The following MACROD2 variants were observed in gnomAD, a reference collection of about 807,000 sequenced individuals.
MACROD2 encodes the protein ADP-ribose glycohydrolase MACROD2.
MACROD2 carries 36 observed loss-of-function variants against 70.4 expected under a neutral mutation model. That is an observed-to-expected ratio of 0.51 (90% CI 0.39 to 0.68). The LOEUF (loss-of-function observed/expected upper bound fraction) is 0.68, where lower values mean the gene tolerates loss of function less well. Among genes scored for constraint, MACROD2 ranks in the 30% least tolerant of loss-of-function variants. The pLI, the probability that MACROD2 is intolerant of heterozygous loss-of-function variation, is 0.00. For missense variants in MACROD2, 496 were observed against 538.4 expected, an observed-to-expected ratio of 0.92 and a Z score of 0.78; for synonymous variants, 172 against 178.8, an observed-to-expected ratio of 0.96 and a Z score of 0.30.
intron 12 of MACROD2, among the ~76,000 whole-genome samples, chr20:15,955,576 G>A (rs2065965242): frequency 6.6e-6 from 1 of 151,982 alleles, no homozygotes; most frequent in South Asian, 2.1e-4. Flanking sequence ...TCCTAATTCT[G>A]CCCTTCAAAT....
At chr20:14,431,528 T>C (rs1204429671) in intron 3 of MACROD2, among the ~76,000 whole-genome samples, 1 of 152,188 alleles carries the variant, frequency 6.6e-6, no homozygotes, top group Non-Finnish European at 1.5e-5. Flanking sequence ...AGATCCACAG[T>C]TTTTACAAGT....
chr20:14,052,666 T>C lies in MACROD2; in HGVS notation c.164-32955T>C, dbSNP rs570111273. ...CAGAGAATGGCTTCCAGGACAGCTC[T>C]AGCCTCACTGCAGCTTAAAAAATTG... On this transcript the variant is annotated intron_variant, in intron 2 of 17. Coordinates refer to ENST00000684519, the MANE Select transcript of MACROD2 (RefSeq NM_001351661.2). Among the ~76,000 whole-genome samples the C allele has an allele frequency of 3.3e-4, 50 of 152,268 alleles. No individual in the cohort carries two copies. In the South Asian group the frequency reaches 5.2e-3, roughly 16 times the overall value.
intron 6 of MACROD2, among the ~76,000 whole-genome samples, chr20:15,424,008 G>T (rs544688342): frequency 1.9e-4 from 29 of 152,154 alleles, no homozygotes; most frequent in African/African-American, 6.5e-4. Context: ...TTCTCACATG[G>T]TGGAAAGAAG....
intron 6 of MACROD2, among the ~76,000 whole-genome samples, chr20:15,421,295 C>T (rs1202281655): frequency 6.6e-6 from 1 of 151,990 alleles, no homozygotes; most frequent in East Asian, 1.9e-4. Context: ...AGAGGATCAC[C>T]TCAGCTCAGG....
intron 8 of MACROD2, among the ~76,000 whole-genome samples, chr20:15,732,197 T>G (rs2050954472): frequency 6.6e-6 from 1 of 151,812 alleles, no homozygotes; most frequent in Admixed American, 6.6e-5. Flanking sequence ...ATGTGTGCAT[T>G]CCCACTGGCA....
intron 8 of MACROD2, among the ~76,000 whole-genome samples, chr20:15,547,645 T>C (rs1273077475): frequency 6.6e-6 from 1 of 152,202 alleles, no homozygotes; most frequent in Non-Finnish European, 1.5e-5. Context: ...TGTAATGTGA[T>C]CGCAAATTTG....
At chr20:14,006,005 G>A (rs564349162) in intron 2 of MACROD2, among the ~76,000 whole-genome samples, 1 of 152,276 alleles carries the variant, frequency 6.6e-6, no homozygotes, top group South Asian at 2.1e-4. Flanking sequence ...CATATATGAT[G>A]GTGGTCCCAT....
intron 3 of MACROD2, among the ~76,000 whole-genome samples, chr20:14,185,246 A>G (rs1480660020): frequency 1.3e-5 from 2 of 152,082 alleles, no homozygotes; most frequent in Non-Finnish European, 2.9e-5. Flanking sequence ...TAAAGTAGCT[A>G]TGCTAATCTG....
chr20:14,463,716 C>G (rs545911951), intron 3 of MACROD2, among the ~76,000 whole-genome samples: 1 of 151,996 alleles, frequency 6.6e-6, no homozygotes, highest in African/African-American at 2.4e-5. Flanking sequence ...CCATCAATAC[C>G]TAATTTATTG....
chr20:14,935,457 G>A (rs554856985), intron 5 of MACROD2: 1 of 152,104 alleles, frequency 6.6e-6, no homozygotes, highest in South Asian at 2.1e-4. Flanking sequence ...TGTGTTTGTT[G>A]TTGTATTTAG....
At chr20:15,827,159 T>A (rs73614464) in intron 8 of MACROD2, among the ~76,000 whole-genome samples, 2 of 152,158 alleles carry the variant, frequency 1.3e-5, no homozygotes, top group East Asian at 3.9e-4. Flanking sequence ...ATAACAAAGC[T>A]TTTCAAAGAT....
chr20:15,041,541 C>A (rs976282939), intron 5 of MACROD2, among the ~76,000 whole-genome samples: 1 of 152,032 alleles, frequency 6.6e-6, no homozygotes, highest in African/African-American at 2.4e-5. Flanking sequence ...AAGTTATCCT[C>A]CCACCTCAGT....
chr20:15,596,453 C>T (rs560737902), intron 8 of MACROD2, among the ~76,000 whole-genome samples: 3 of 152,282 alleles, frequency 2.0e-5, no homozygotes, highest in East Asian at 3.9e-4. Flanking sequence ...CTCAGAGGTC[C>T]GTGGTCATTC....
intron 8 of MACROD2, among the ~76,000 whole-genome samples, chr20:15,537,466 T>TG (rs2047892459): frequency 7.7e-6 from 1 of 129,522 alleles, no homozygotes; most frequent in Non-Finnish European, 1.6e-5. Flanking sequence ...ATCCCACTCA[T>TG]CTTTTTTTTT....
At position 14,878,378 on chromosome 20, in the gene MACROD2, G is replaced by A. The variant is rs77230640; in HGVS notation, c.418+193419G>A. The stretch of plus-strand genomic sequence containing the variant: ...GAAAGACTACATCAAGAGTGTCAAA[G>A]CATGATTAGTTGGGGCACATTCATA... On this transcript the variant is annotated intron_variant, in intron 5 of 17. Transcript: ENST00000684519. Among the ~76,000 whole-genome samples, 20 of 152,250 alleles carry A rather than the reference G, an allele frequency of 1.3e-4. No individual in the cohort carries two copies. In the East Asian group the frequency reaches 3.9e-3, roughly 29 times the overall value.
chr20:14,709,993 T>C (rs2071318584), intron 5 of MACROD2, among the ~76,000 whole-genome samples: 1 of 152,198 alleles, frequency 6.6e-6, no homozygotes, highest in Non-Finnish European at 1.5e-5. Flanking sequence ...ACTGTATTTA[T>C]TTTTATTTAT....
At chr20:14,491,324 A>G (rs2084791381) in intron 3 of MACROD2, among the ~76,000 whole-genome samples, 2 of 152,158 alleles carry the variant, frequency 1.3e-5, no homozygotes, top group Non-Finnish European at 2.9e-5. Flanking sequence ...GACAAATTTG[A>G]TGGATTCTTT....
rs461306 is a variant in MACROD2 at position 15,615,324 on chromosome 20, A to G, written c.645+115477A>G. 6.1e-3 allele frequency among the ~76,000 whole-genome samples: 934 copies of G among 152,276 alleles called. 3 individuals are homozygous for G. Among genetic ancestry groups the G allele is most frequent in the Middle Eastern group, 0.017 (5 of 294 alleles). On this transcript the variant is annotated intron_variant, in intron 8 of 17. Transcript: ENST00000684519. ...CTGTTAACCTAGATGTGAAAGAGGA[A>G]TTTTCAGAGATGAAAAACCATTTCC...
chr20:14,669,940 A>G (rs1273225862), intron 4 of MACROD2, among the ~76,000 whole-genome samples: 3 of 152,000 alleles, frequency 2.0e-5, no homozygotes, highest in Admixed American at 1.3e-4. Flanking sequence ...TTGGGGAATT[A>G]TTCCTTCAAG....
Sources: gnomAD v4.1 joint callset for allele counts (sites outside exome capture counted in the v4.1 genomes callset) on GRCh38, gnomAD v4.1.1 for gene constraint, MANE v1.5 for transcripts, NCBI Gene and HGNC (gene_info 2026-07-23, HGNC 2026-07-21) for gene names.